Variants in SLC26A11 observed in about 807,000 individuals in gnomAD.
SLC26A11 encodes the protein solute carrier family 26 member 11, also known as sodium-independent sulfate anion transporter.
In SLC26A11, 58 loss-of-function variants were observed where a neutral mutation model predicts 62.2. The observed-to-expected ratio is 0.93, with a 90% confidence interval of 0.76 to 1.16. SLC26A11 has a LOEUF of 1.16. Among genes scored for constraint, SLC26A11 ranks in the 50% most tolerant of loss-of-function variants. SLC26A11 has a pLI of 0.00. For missense variants in SLC26A11, 790 were observed against 794.3 expected (o/e 0.99, Z 0.06); for synonymous variants, 411 against 368.9 (o/e 1.11, Z -1.31).
chr17:80,230,079 C>T (rs140939890), intron 7 of SLC26A11, among the ~76,000 whole-genome samples: 1 of 151,836 alleles, frequency 6.6e-6, no homozygotes, highest in African/African-American at 2.4e-5. Flanking sequence ...CCTGTGATCC[C>T]AGCTACTTGG....
intron 13 of SLC26A11, 117 bp from the exon 14 acceptor site, chr17:80,248,013 G>A (rs2043053258): frequency 7.8e-7 from 1 of 1,276,198 alleles, no homozygotes; most frequent in Admixed American, 2.9e-5. Flanking sequence ...GGCTGCTTGG[G>A]GTCCATGAGC....
In SLC26A11 at chr17:80,249,109, G is replaced by C. The variant is rs779913805; in HGVS notation, c.1523-45G>C. 5.7e-6 allele frequency: 9 copies of C among 1,586,892 alleles called. No individual in the cohort carries two copies. The South Asian group carries it at 9.0e-5, about 16-fold the overall frequency. ...CCTTTGGCCTCTGCAGAGCAGCTTTGGGCTGCTCTGGGTGGCGTGACCTGG... is the reference window on the plus strand; with the variant it reads ...CCTTTGGCCTCTGCAGAGCAGCTTTCGGCTGCTCTGGGTGGCGTGACCTGG... On this transcript the variant is annotated intron_variant, in intron 15 of 17. Coordinates refer to ENST00000361193, the MANE Select transcript of SLC26A11 (RefSeq NM_001166347.2).
chr17:80,241,918 TG>T lies in SLC26A11; in HGVS notation c.1036+99del, dbSNP rs2042875802. The T allele has an allele frequency of 3.0e-6, 4 of 1,340,244 alleles. No individual in the cohort carries two copies. The African/African-American group carries it at 5.8e-5, about 19-fold the overall frequency. 83.0% of individuals were successfully genotyped at this position (1,340,244 alleles called of 1,614,324 possible). On this transcript the variant is annotated intron_variant, in intron 10 of 17. Coordinates refer to ENST00000361193, the MANE Select transcript of SLC26A11 (RefSeq NM_001166347.2). ...CTCCTGCATTGTAGGAAGACCATGATGGTGGTGATGAACTGGGAGGGCAAAG... is the reference window on the plus strand; with the variant it reads ...CTCCTGCATTGTAGGAAGACCATGATGTGGTGATGAACTGGGAGGGCAAAG...
At position 80,249,200 on chromosome 17, in the gene SLC26A11, C is replaced by T. The variant is rs1450623722; in HGVS notation, c.1569C>T (p.Ser523=). The change falls in exon 16 of 18, where the codon AGC becomes AGT. Residue 523 remains serine (S), a synonymous_variant. Coordinates refer to ENST00000361193, the MANE Select transcript of SLC26A11 (RefSeq NM_001166347.2). ...TCCTGGAGTGCACCCATGTCTGCAG[C>T]ATCGACTACACTGTGGTGCTGGGAC... ...CLVLECTHVC[S]IDYTVVLGLG... The T allele has an allele frequency of 1.2e-6, 2 of 1,610,854 alleles. No individual in the cohort carries two copies. The highest frequency in any genetic ancestry group is 2.2e-5 in the East Asian group (1 of 44,870).
intron 10 of SLC26A11, 137 bp downstream of exon 10, chr17:80,241,958 G>A (rs1258610811): frequency 2.2e-6 from 2 of 929,328 alleles, no homozygotes; most frequent in East Asian, 4.9e-5. Context: ...GCCCCAGATG[G>A]GATCTTCTGG....
In SLC26A11 at chr17:80,239,227, G is replaced by A. The variant is rs1338279848; in HGVS notation, c.985+1633G>A. 5.3e-5 allele frequency among the ~76,000 whole-genome samples: 8 copies of A among 151,058 alleles called. No individual in the cohort carries two copies. In the East Asian group the frequency reaches 5.8e-4, roughly 11 times the overall value. On this transcript the variant is annotated intron_variant, in intron 9 of 17. Coordinates refer to ENST00000361193, the MANE Select transcript of SLC26A11 (RefSeq NM_001166347.2). ...CCCAAGTAGCTGGGATTACGGGTGCGCACCAACATGCCTGGCTAATTTTGT... is the reference window on the plus strand; with the variant it reads ...CCCAAGTAGCTGGGATTACGGGTGCACACCAACATGCCTGGCTAATTTTGT...
At chr17:80,239,581 G>A (rs1259554733) in intron 9 of SLC26A11, among the ~76,000 whole-genome samples, 4 of 151,678 alleles carry the variant, frequency 2.6e-5, no homozygotes, top group Non-Finnish European at 5.9e-5. Context: ...AGTAGAGACG[G>A]GGTTTCACCG....
rs192877300 is a variant in SLC26A11, at chr17:80,237,296, G to A, written c.912+193G>A. The stretch of plus-strand genomic sequence containing the variant: ...AACTCAGCGAGCTCAGGGATGTCAC[G>A]TTTGTGTTCAGGGGCGCTTCTCCTG... On this transcript the variant is annotated intron_variant, in intron 8 of 17. Coordinates refer to ENST00000361193, the MANE Select transcript of SLC26A11 (RefSeq NM_001166347.2). 166 of 805,362 alleles carry A rather than the reference G, an allele frequency of 2.1e-4. No homozygotes were observed. In the African/African-American group the frequency reaches 2.4e-3, roughly 12 times the overall value. The allele number at this position is 805,362 out of a possible 1,614,324, so 49.9% of individuals were successfully genotyped here.
intron 9 of SLC26A11, among the ~76,000 whole-genome samples, chr17:80,238,820 G>GTTTTTTTTTTTTTTTTTTTTT (rs1366044421): frequency 2.3e-5 from 2 of 87,366 alleles, no homozygotes; most frequent in African/African-American, 4.3e-5. Flanking sequence ...AGTTTTTTTT[G>GTTTTTTTTTTTTTTTTTTTTT]TTTTTTGTTT....
At chr17:80,226,830 G>A (rs1165982559) in intron 6 of SLC26A11, among the ~76,000 whole-genome samples, 1 of 152,208 alleles carries the variant, frequency 6.6e-6, no homozygotes, top group Non-Finnish European at 1.5e-5. Context: ...AAATGATCTA[G>A]GGGAGCTATA....
At chr17:80,240,390 T>C (rs1446402566) in intron 9 of SLC26A11, among the ~76,000 whole-genome samples, 2 of 151,006 alleles carry the variant, frequency 1.3e-5, no homozygotes, top group African/African-American at 2.4e-5. Context: ...TGCCAACCTC[T>C]GTCTTAGATC....
At chr17:80,230,320 G>A (rs988914908) in intron 7 of SLC26A11, among the ~76,000 whole-genome samples, 16 of 152,070 alleles carry the variant, frequency 1.1e-4, no homozygotes, top group African/African-American at 3.9e-4. Flanking sequence ...ACAGCGAAAG[G>A]CTCAGGAAGA....
chr17:80,243,896 GT>G (rs763932508), intron 10 of SLC26A11, among the ~76,000 whole-genome samples: 13 of 152,246 alleles, frequency 8.5e-5, no homozygotes, highest in Non-Finnish European at 1.9e-4. Flanking sequence ...GCTGGGAGGG[GT>G]TGCGCTGGTC....
intron 9 of SLC26A11, 69 bp from the exon 10 acceptor site, chr17:80,241,702 C>A: frequency 2.0e-6 from 3 of 1,494,104 alleles, no homozygotes; most frequent in South Asian, 1.1e-5. Flanking sequence ...ATCTGTGTTA[C>A]ATTTTGTGAA....
At chr17:80,239,245 A>T (rs2042792723) in intron 9 of SLC26A11, among the ~76,000 whole-genome samples, 1 of 151,260 alleles carries the variant, frequency 6.6e-6, no homozygotes, top group African/African-American at 2.4e-5. Flanking sequence ...ATGCCTGGCT[A>T]ATTTTGTATT....
intron 10 of SLC26A11, among the ~76,000 whole-genome samples, chr17:80,244,796 C>T (rs1242168089): frequency 6.6e-6 from 1 of 152,042 alleles, no homozygotes; most frequent in Non-Finnish European, 1.5e-5. Flanking sequence ...GCCAACATGG[C>T]AAAACTCTGT....
Position 80,227,822 on chromosome 17 carries a change from G to C in SLC26A11, c.598G>C (p.Gly200Arg), listed in dbSNP as rs2042452318. 1.2e-6 allele frequency: 2 copies of C among 1,603,862 alleles called. No individual in the cohort carries two copies. Among genetic ancestry groups the C allele is most frequent in the Admixed American group, 3.3e-5 (2 of 60,006 alleles). ...CAGTCCTCTGCCTGTCCACAGGGTA[G>C]GTGACGCCGTCCTGGGGCTGGTCTG... Reference protein sequence around the residue: ...TFLRIAETRVGDAVLGLVCML... With the variant: ...TFLRIAETRVRDAVLGLVCML... The change falls in exon 7 of 18, where the codon GGT becomes CGT. Residue 200 changes from glycine to arginine, a missense_variant. Physicochemically the swap from Gly to Arg is moderately radical, Grantham distance 125. Transcript: ENST00000361193.
chr17:80,234,403 A>G (rs2042638685), intron 7 of SLC26A11, among the ~76,000 whole-genome samples: 1 of 151,818 alleles, frequency 6.6e-6, no homozygotes, highest in South Asian at 2.1e-4. Flanking sequence ...CTTTTTATCC[A>G]CTGCTTTTAA....
In SLC26A11 at chr17:80,221,975, C is replaced by G. The variant is rs1395172752; in HGVS notation, c.234+181C>G. The G allele has an allele frequency of 7.9e-6, 5 of 633,706 alleles. No individual in the cohort carries two copies. In the East Asian group the frequency reaches 1.1e-4, roughly 14 times the overall value. The allele number at this position is 633,706 out of a possible 1,614,324, so 39.3% of individuals were successfully genotyped here. The stretch of plus-strand genomic sequence containing the variant: ...CCCAGGCTCCTATGCCTGTTTGGCA[C>G]ACACAGACACTGAGCTGGTTATGGA... On this transcript the variant is annotated intron_variant, in intron 3 of 17. Transcript: ENST00000361193.
Sources: gnomAD v4.1 joint callset for allele counts (sites outside exome capture counted in the v4.1 genomes callset) on GRCh38, gnomAD v4.1.1 for gene constraint, MANE v1.5 for transcripts, NCBI Gene and HGNC (gene_info 2026-07-23, HGNC 2026-07-21) for gene names.